HERC1: variants seen among roughly 807,000 people sequenced by gnomAD.
HERC1 encodes the protein probable E3 ubiquitin-protein ligase HERC1.
In HERC1, 160 loss-of-function variants were observed where a neutral mutation model predicts 554.3. That is an observed-to-expected ratio of 0.29 (90% CI 0.25 to 0.33). The LOEUF (loss-of-function observed/expected upper bound fraction) is 0.33. Ranked by LOEUF, HERC1 falls within the 10% of genes least tolerant of loss-of-function variation. The pLI, the probability that HERC1 is intolerant of heterozygous loss-of-function variation, is 1.00. For missense variants in HERC1, 4,919 were observed against 5,918.5 expected, an observed-to-expected ratio of 0.83 and a Z score of 5.54; for synonymous variants, 2,175 against 2,131.7, an observed-to-expected ratio of 1.02 and a Z score of -0.56.
chr15:63,783,699 T>A (rs2076352415), intron 1 of HERC1, among the ~76,000 whole-genome samples: 1 of 152,216 alleles, frequency 6.6e-6, no homozygotes, highest in Admixed American at 6.5e-5. Flanking sequence ...CCACCAGTCC[T>A]TAAATCTATT....
At chr15:63,697,128 T>C (rs2072463548) in intron 26 of HERC1, among the ~76,000 whole-genome samples, 1 of 152,176 alleles carries the variant, frequency 6.6e-6, no homozygotes, top group African/African-American at 2.4e-5. Context: ...AGTAAAATAG[T>C]ATTAATTAAA....
At chr15:63,645,722 TTC>T (rs1237990901) in intron 55 of HERC1, 40 bp from the exon 56 acceptor site, 18 of 1,178,486 alleles carry the variant, frequency 1.5e-5, no homozygotes, top group Non-Finnish European at 2.0e-5. Context: ...AGAGTAATGT[TTC>T]CTTCACAAAT....
intron 1 of HERC1, among the ~76,000 whole-genome samples, chr15:63,793,549 T>C (rs762328232): frequency 4.6e-5 from 7 of 152,194 alleles, no homozygotes; most frequent in Non-Finnish European, 1.0e-4. Context: ...AATTCACCCC[T>C]TGTTTAGTAT....
Position 63,609,238 on chromosome 15 carries a change from G to C in HERC1, c.14429C>G (p.Thr4810Ser). ...RPYDSLPTSQ[T>S]CFFQLRLPPY... is the part of the protein sequence containing the mutation. ...GGGCAGCCTCAGCTGGAAGAAGCAG[G>C]TCTGTGAGGTAGGCAGACTGTCGTA... Residue 4810 changes from threonine (T) to serine (S), a missense_variant, in exon 78 of 78, where the codon ACC becomes AGC. Coordinates refer to ENST00000443617, the MANE Select transcript of HERC1 (RefSeq NM_003922.4). The C allele has an allele frequency of 6.2e-7, 1 of 1,613,234 alleles. No individual in the cohort carries two copies. Among genetic ancestry groups the C allele is most frequent in the Non-Finnish European group, 8.5e-7 (1 of 1,179,616 alleles).
chr15:63,786,972 G>A (rs1171409494), intron 1 of HERC1, among the ~76,000 whole-genome samples: 3 of 145,992 alleles, frequency 2.1e-5, no homozygotes, highest in African/African-American at 7.6e-5. Context: ...TTGCCCAGTC[G>A]GTAGTGCAAT....
chr15:63,705,857 T>C (rs1316857148), intron 25 of HERC1, among the ~76,000 whole-genome samples: 1 of 151,780 alleles, frequency 6.6e-6, no homozygotes, highest in African/African-American at 2.4e-5. Context: ...AGGGAGACCT[T>C]ATCTCTACAA....
Position 63,734,647 on chromosome 15 carries a change from T to G in HERC1, c.2646+77A>C. 1 of 1,217,940 alleles carries G rather than the reference T, an allele frequency of 8.2e-7. No individual in the cohort carries two copies. The highest frequency in any genetic ancestry group is 1.1e-6 in the Non-Finnish European group (1 of 886,748). 75.4% of individuals were successfully genotyped at this position (1,217,940 alleles called of 1,614,324 possible). On this transcript the variant is annotated intron_variant, in intron 13 of 77. Coordinates refer to ENST00000443617, the MANE Select transcript of HERC1 (RefSeq NM_003922.4). This position sits in a 1 kb window ranked among gnomAD's most constrained non-coding sequence, Gnocchi z 4.6. ...CTTATGCTCCAAGAACACATGGCAA[T>G]TTATTAGTTTTATTTCCTTCTCAGT...
At chr15:63,651,910 C>G (rs767346138) in intron 52 of HERC1, among the ~76,000 whole-genome samples, 1 of 152,088 alleles carries the variant, frequency 6.6e-6, no homozygotes, top group Non-Finnish European at 1.5e-5. Flanking sequence ...GTGGCAGGCA[C>G]CTGTAGTCCC....
At chr15:63,676,298 G>C (rs920555682) in intron 37 of HERC1, among the ~76,000 whole-genome samples, 3 of 152,138 alleles carry the variant, frequency 2.0e-5, no homozygotes, top group African/African-American at 7.2e-5. Context: ...CTGTAAAGCT[G>C]TCACTGGTTT....
At position 63,817,156 on chromosome 15, in the gene HERC1, T is replaced by C. The variant is rs538480782; in HGVS notation, c.-27+16671A>G. Among the ~76,000 whole-genome samples the C allele has an allele frequency of 3.9e-5, 6 of 152,274 alleles. No homozygotes were observed. In the South Asian group the frequency reaches 1.2e-3, roughly 32 times the overall value. ...AAGAGAGTCTAAAGATTTAAAATGA[T>C]GTAATAAACATGCCAAACTACTGTA... is the stretch of plus-strand genomic sequence containing the variant. On this transcript the variant is annotated intron_variant, in intron 1 of 77. Coordinates refer to ENST00000443617, the MANE Select transcript of HERC1 (RefSeq NM_003922.4).
In HERC1 at chr15:63,774,755, T is replaced by G; in HGVS notation, c.869A>C (p.Gln290Pro). The change falls in exon 2 of 78, where the codon CAG (glutamine) becomes CCG (proline). Residue 290 changes from glutamine (Q) to proline (P), a missense_variant. Coordinates refer to ENST00000443617, the MANE Select transcript of HERC1 (RefSeq NM_003922.4). ...TMEKGKLLSS[Q>P]EGMISFDCFM... Reference sequence around the variant, plus strand: ...GCAGTCAAAGCTGATCATTCCTTCCTGGCTTGAGAGTAGTTTGCCTTTCTC... The same window carrying G: ...GCAGTCAAAGCTGATCATTCCTTCCGGGCTTGAGAGTAGTTTGCCTTTCTC... 6.2e-7 allele frequency: 1 copy of G among 1,614,010 alleles called. No individual in the cohort carries two copies. The highest frequency in any genetic ancestry group is 8.5e-7 in the Non-Finnish European group (1 of 1,179,880).
chr15:63,640,245 A>G lies in HERC1; in HGVS notation c.11808T>C (p.Ala3936=). 2 of 1,613,956 alleles carry G rather than the reference A, an allele frequency of 1.2e-6. No homozygotes were observed. The highest frequency in any genetic ancestry group is 1.7e-6 in the Non-Finnish European group (2 of 1,179,834). The change falls in exon 61 of 78, where the codon GCT becomes GCC. Residue 3936 remains alanine (A), a synonymous_variant. Coordinates refer to ENST00000443617, the MANE Select transcript of HERC1 (RefSeq NM_003922.4). ...GGGCTCCATTGGTCAGGGCTTCGGCAGCTTTTATAGTGGTTGAGAAACATT... is the reference window on the plus strand; with the variant it reads ...GGGCTCCATTGGTCAGGGCTTCGGCGGCTTTTATAGTGGTTGAGAAACATT... ...WLECFSTTIK[A]AEALTNGAQF...
intron 74 of HERC1, among the ~76,000 whole-genome samples, chr15:63,617,385 C>G (rs559880838): frequency 6.6e-6 from 1 of 152,204 alleles, no homozygotes; most frequent in Non-Finnish European, 1.5e-5. Flanking sequence ...ATAAGTGCCA[C>G]ATTTTCTTAA....
intron 19 of HERC1, among the ~76,000 whole-genome samples, chr15:63,719,117 G>A (rs1344636575): frequency 1.3e-5 from 2 of 152,194 alleles, no homozygotes; most frequent in African/African-American, 4.8e-5. Context: ...ATTATTGTTA[G>A]GAGGAGCAGG....
In HERC1 at chr15:63,615,881, C is replaced by T; in HGVS notation, c.13981G>A (p.Gly4661Ser). 2 of 1,601,262 alleles carry T rather than the reference C, an allele frequency of 1.2e-6. No individual in the cohort carries two copies. The highest frequency in any genetic ancestry group is 1.7e-6 in the Non-Finnish European group (2 of 1,175,240). The change falls in exon 76 of 78, where the codon GGC (glycine) becomes AGC (serine). Residue 4661 changes from glycine to serine, a missense_variant. Gly to Ser is a moderately conservative substitution (Grantham distance 56). Coordinates refer to ENST00000443617, the MANE Select transcript of HERC1 (RefSeq NM_003922.4). Reference sequence around the variant, plus strand: ...CCAGGGATTATAGGAACCATTTTGCCATCAGCACTCTGGCCAACAAAAGAA... The same window carrying T: ...CCAGGGATTATAGGAACCATTTTGCTATCAGCACTCTGGCCAACAAAAGAA... ...LDSFVGQSAD[G>S]KMVPIIPGGN...
chr15:63,831,746 C>G (rs1450447439), intron 1 of HERC1, among the ~76,000 whole-genome samples: 1 of 152,002 alleles, frequency 6.6e-6, no homozygotes, highest in Non-Finnish European at 1.5e-5. Context: ...TTATTTGCAC[C>G]CTCTACTAAC....
At chr15:63,617,004 ATC>A (rs2067847127) in intron 74 of HERC1, among the ~76,000 whole-genome samples, 2 of 151,778 alleles carry the variant, frequency 1.3e-5, no homozygotes, top group Admixed American at 6.6e-5. Flanking sequence ...TAAAATCATT[ATC>A]TTTTTTTTTT....
At chr15:63,799,105 C>T (rs6494436) in intron 1 of HERC1, among the ~76,000 whole-genome samples, 123,560 of 152,194 alleles carry the variant, frequency 0.81, 51,999 homozygotes, top group Non-Finnish European at 0.87. Flanking sequence ...GTCAATGACA[C>T]GGAGTTGTTC....
intron 3 of HERC1, among the ~76,000 whole-genome samples, chr15:63,759,778 T>C (rs1567096351): frequency 6.6e-6 from 1 of 152,196 alleles, no homozygotes; most frequent in Admixed American, 6.5e-5. Context: ...ATTTAAGAAG[T>C]CAACATATTA....
Sources: gnomAD v4.1 joint callset for allele counts (sites outside exome capture counted in the v4.1 genomes callset) on GRCh38, gnomAD v4.1.1 for gene constraint, Gnocchi (gnomAD v3.1) non-coding constraint, MANE v1.5 for transcripts, NCBI Gene and HGNC (gene_info 2026-07-23, HGNC 2026-07-21) for gene names.